Variants in MACROD2 observed in about 807,000 individuals in gnomAD.
MACROD2 encodes ADP-ribose glycohydrolase MACROD2.
MACROD2 carries 36 observed loss-of-function variants against 70.4 expected under a neutral mutation model. That is an observed-to-expected ratio of 0.51 (90% CI 0.39 to 0.68). The LOEUF is 0.68. Ranked by LOEUF, MACROD2 falls within the 30% of genes least tolerant of loss-of-function variation. MACROD2 has a pLI of 0.00. For synonymous variants in MACROD2, 172 were observed against 178.8 expected, an observed-to-expected ratio of 0.96 and a Z score of 0.30; for missense variants, 496 against 538.4, an observed-to-expected ratio of 0.92 and a Z score of 0.78.
chr20:14,086,069 A>C, intron 3 of MACROD2: 1 of 242,352 alleles, frequency 4.1e-6, no homozygotes, highest in Non-Finnish European at 8.4e-6. Flanking sequence ...GCCAACATAA[A>C]TACAAGCTCA....
intron 6 of MACROD2, among the ~76,000 whole-genome samples, chr20:15,263,273 C>T (rs909312664): frequency 2.0e-5 from 3 of 151,592 alleles, no homozygotes; most frequent in Non-Finnish European, 2.9e-5. Context: ...ATTCAGTTTT[C>T]CTAGGATTTT....
chr20:15,722,053 T>C (rs2050794437), intron 8 of MACROD2, among the ~76,000 whole-genome samples: 1 of 152,218 alleles, frequency 6.6e-6, no homozygotes, highest in South Asian at 2.1e-4. Flanking sequence ...ATTCAGGTTG[T>C]TGCATGCAAC....
At chr20:14,619,833 G>A (rs1186311268) in intron 4 of MACROD2, among the ~76,000 whole-genome samples, 5 of 152,076 alleles carry the variant, frequency 3.3e-5, no homozygotes, top group African/African-American at 7.2e-5. Context: ...TTTCTTGTTC[G>A]TGCTATGATT....
chr20:15,345,905 C>T (rs1226401253), intron 6 of MACROD2, among the ~76,000 whole-genome samples: 1 of 152,086 alleles, frequency 6.6e-6, no homozygotes, highest in Non-Finnish European at 1.5e-5. Context: ...TGAGTAGGAG[C>T]ACTTGCTTAT....
At chr20:14,843,612 A>T (rs2073109289) in intron 5 of MACROD2, among the ~76,000 whole-genome samples, 1 of 151,974 alleles carries the variant, frequency 6.6e-6, no homozygotes, top group South Asian at 2.1e-4. Context: ...TCATGAATTT[A>T]TTTTTATTTT....
intron 5 of MACROD2, among the ~76,000 whole-genome samples, chr20:15,036,541 G>A (rs1173213737): frequency 1.3e-5 from 2 of 152,082 alleles, no homozygotes; most frequent in Non-Finnish European, 2.9e-5. Flanking sequence ...GAGGACTGCT[G>A]CTCTACATCA....
chr20:14,606,635 C>G (rs1982823414), intron 4 of MACROD2, among the ~76,000 whole-genome samples: 1 of 152,064 alleles, frequency 6.6e-6, no homozygotes, highest in African/African-American at 2.4e-5. Flanking sequence ...TCTTATGGGC[C>G]TACTGTTTTC....
intron 10 of MACROD2, among the ~76,000 whole-genome samples, chr20:15,913,036 G>A (rs1329102431): frequency 1.3e-5 from 2 of 152,024 alleles, no homozygotes; most frequent in East Asian, 1.9e-4. Context: ...TCTGTAAAAT[G>A]GGAATAAATT....
intron 9 of MACROD2, among the ~76,000 whole-genome samples, chr20:15,869,913 G>T (rs185092926): frequency 1.2e-4 from 19 of 152,044 alleles, no homozygotes; most frequent in African/African-American, 3.9e-4. Context: ...ACATATTTAG[G>T]TTACATGTAT....
intron 4 of MACROD2, among the ~76,000 whole-genome samples, chr20:14,507,246 TTC>T (rs1332757878): frequency 6.6e-6 from 1 of 152,102 alleles, no homozygotes; most frequent in East Asian, 1.9e-4. Flanking sequence ...CAAATATTTA[TTC>T]TCTTTCCTCT....
intron 8 of MACROD2, among the ~76,000 whole-genome samples, chr20:15,698,046 A>G (rs2050401369): frequency 6.6e-6 from 1 of 152,188 alleles, no homozygotes; most frequent in African/African-American, 2.4e-5. Flanking sequence ...CATTTAGGAC[A>G]TTTACATTCA....
At chr20:14,750,013 A>G (rs1422365120) in intron 5 of MACROD2, among the ~76,000 whole-genome samples, 1 of 152,106 alleles carries the variant, frequency 6.6e-6, no homozygotes, top group Non-Finnish European at 1.5e-5. Flanking sequence ...ATATGAGTAT[A>G]CTTAACACTT....
intron 3 of MACROD2, among the ~76,000 whole-genome samples, chr20:14,456,641 C>CT (rs2123001958): frequency 6.7e-6 from 1 of 149,102 alleles, no homozygotes; most frequent in African/African-American, 2.5e-5. Context: ...GAATGGAAAT[C>CT]TTTCTAAAAT....
intron 8 of MACROD2, among the ~76,000 whole-genome samples, chr20:15,606,274 T>C (rs960419330): frequency 6.6e-6 from 1 of 152,178 alleles, no homozygotes; most frequent in Non-Finnish European, 1.5e-5. Flanking sequence ...CGACTCGACT[T>C]CTCTAGGCAA....
At chr20:14,555,897 T>C (rs1387404466) in intron 4 of MACROD2, among the ~76,000 whole-genome samples, 1 of 152,064 alleles carries the variant, frequency 6.6e-6, no homozygotes, top group Non-Finnish European at 1.5e-5. Context: ...TTGCCTCAGG[T>C]AGAATGCTGA....
At position 14,719,133 on chromosome 20, in the gene MACROD2, G is replaced by A. The variant is rs555456963; in HGVS notation, c.418+34174G>A. On this transcript the variant is annotated intron_variant, in intron 5 of 17. Coordinates refer to ENST00000684519, the MANE Select transcript of MACROD2 (RefSeq NM_001351661.2). ...TGTAGTCCCAGCTACTTGGGAGTCTGAGGCAGGAGAATCACTTGAACTCGG... is the reference window on the plus strand; with the variant it reads ...TGTAGTCCCAGCTACTTGGGAGTCTAAGGCAGGAGAATCACTTGAACTCGG... 7.2e-5 allele frequency among the ~76,000 whole-genome samples: 11 copies of A among 152,190 alleles called. No homozygotes were observed. In the South Asian group the frequency reaches 2.3e-3, roughly 32 times the overall value.
chr20:14,732,265 T>A (rs2123704600), intron 5 of MACROD2, among the ~76,000 whole-genome samples: 1 of 152,266 alleles, frequency 6.6e-6, no homozygotes, highest in African/African-American at 2.4e-5. Flanking sequence ...AAAGCATGTG[T>A]GTATTTGGGG....
chr20:14,342,610 C>A (rs961529631), intron 3 of MACROD2, among the ~76,000 whole-genome samples: 1 of 152,182 alleles, frequency 6.6e-6, no homozygotes, highest in South Asian at 2.1e-4. Flanking sequence ...TCTTTCTCAA[C>A]AATTCCAAAG....
intron 5 of MACROD2, among the ~76,000 whole-genome samples, chr20:14,690,080 G>GAAAA (rs57641368): frequency 6.6e-6 from 1 of 150,706 alleles, no homozygotes. Context: ...CTCCTAAGGA[G>GAAAA]AAAAAAAAAT....
Sources: gnomAD v4.1 joint callset for allele counts (sites outside exome capture counted in the v4.1 genomes callset) on GRCh38, gnomAD v4.1.1 for gene constraint, MANE v1.5 for transcripts, NCBI Gene and HGNC (gene_info 2026-07-23, HGNC 2026-07-21) for gene names.